SPAG16: variants seen among roughly 807,000 people sequenced by gnomAD.
SPAG16 encodes the protein sperm-associated antigen 16 protein.
Under a neutral mutation model 80.4 loss-of-function variants are expected in SPAG16, and 86 were observed. That is an observed-to-expected ratio of 1.07 (90% CI 0.90 to 1.28). The LOEUF is 1.28. Ranked by LOEUF, SPAG16 falls within the 50% of genes most tolerant of loss-of-function variation. The pLI is 0.00. For synonymous variants in SPAG16, 294 were observed against 265.9 expected (o/e 1.11, Z -1.03); for missense variants, 870 against 765.3 (o/e 1.14, Z -1.61).
intron 10 of SPAG16, among the ~76,000 whole-genome samples, chr2:213,686,674 C>CTTTTTTTTTT (rs748200040): frequency 3.5e-5 from 3 of 86,104 alleles, no homozygotes; most frequent in African/African-American, 8.0e-5. Flanking sequence ...ATTAATCCAC[C>CTTTTTTTTTT]TTTTTTTTTT....
chr2:213,806,335 T>C (rs1447006764), intron 10 of SPAG16, among the ~76,000 whole-genome samples: 1 of 152,212 alleles, frequency 6.6e-6, no homozygotes, highest in Non-Finnish European at 1.5e-5. Context: ...GAAGTAGCCA[T>C]TACTTAGGTA....
chr2:213,594,622 C>A (rs1444191676), intron 10 of SPAG16, among the ~76,000 whole-genome samples: 1 of 152,142 alleles, frequency 6.6e-6, no homozygotes, highest in East Asian at 1.9e-4. Context: ...TTGGGTTTCA[C>A]TAAGTGATTA....
chr2:214,375,482 C>A (rs1350110452), intron 15 of SPAG16, among the ~76,000 whole-genome samples: 1 of 152,142 alleles, frequency 6.6e-6, no homozygotes, highest in Non-Finnish European at 1.5e-5. Flanking sequence ...AGCGAATAGT[C>A]TCTCAACCAG....
chr2:213,754,720 G>A (rs1016289609), intron 10 of SPAG16, among the ~76,000 whole-genome samples: 3 of 152,340 alleles, frequency 2.0e-5, no homozygotes, highest in African/African-American at 4.8e-5. Flanking sequence ...CCAATGACTA[G>A]TTTCTTCTCA....
intron 11 of SPAG16, among the ~76,000 whole-genome samples, chr2:213,895,010 A>C (rs865917877): frequency 2.5e-4 from 38 of 150,280 alleles, no homozygotes; most frequent in African/African-American, 8.5e-4. Flanking sequence ...AAAAAAAAAA[A>C]AAAAAAAAAC....
At chr2:214,113,906 C>T (rs2125427604) in intron 14 of SPAG16, among the ~76,000 whole-genome samples, 1 of 152,288 alleles carries the variant, frequency 6.6e-6, no homozygotes, top group East Asian at 1.9e-4. Context: ...AAGAGGTGCT[C>T]TGGTTTATAG....
At chr2:213,360,377 G>A (rs1453428114) in intron 7 of SPAG16, among the ~76,000 whole-genome samples, 1 of 152,176 alleles carries the variant, frequency 6.6e-6, no homozygotes, top group Non-Finnish European at 1.5e-5. Context: ...ATTGCAAAAG[G>A]TGGAAGACAC....
At chr2:213,469,290 C>A (rs955844245) in intron 9 of SPAG16, among the ~76,000 whole-genome samples, 9 of 152,142 alleles carry the variant, frequency 5.9e-5, no homozygotes, top group South Asian at 2.1e-4. Flanking sequence ...AATCCCCAAC[C>A]CAAATACTAT....
At chr2:213,317,569 G>A (rs916821672) in intron 5 of SPAG16, 101 of 1,217,240 alleles carry the variant, frequency 8.3e-5, no homozygotes, top group Non-Finnish European at 8.8e-5. Context: ...GGGAATGCAG[G>A]TAGTTGTTTA....
intron 11 of SPAG16, among the ~76,000 whole-genome samples, chr2:213,882,922 G>A (rs1446602266): frequency 6.6e-6 from 1 of 151,964 alleles, no homozygotes; most frequent in Non-Finnish European, 1.5e-5. Flanking sequence ...TCCCAGGCTG[G>A]AGTGCAGTGG....
intron 11 of SPAG16, among the ~76,000 whole-genome samples, chr2:213,920,802 G>T (rs1186938952): frequency 6.6e-6 from 1 of 152,198 alleles, no homozygotes; most frequent in Non-Finnish European, 1.5e-5. Flanking sequence ...TACAGGGATG[G>T]ACATCTCTTG....
At chr2:214,372,781 A>C (rs1197698152) in intron 15 of SPAG16, among the ~76,000 whole-genome samples, 1 of 152,212 alleles carries the variant, frequency 6.6e-6, no homozygotes, top group Non-Finnish European at 1.5e-5. Context: ...TTTTGCCAAC[A>C]TGTAGTAGAA....
intron 13 of SPAG16, among the ~76,000 whole-genome samples, chr2:214,094,284 T>C (rs2052432985): frequency 1.3e-5 from 2 of 152,134 alleles, no homozygotes; most frequent in African/African-American, 4.8e-5. Flanking sequence ...TGAATTGGAA[T>C]CTGCATTTTA....
chr2:213,853,767 G>A (rs1259338713), intron 10 of SPAG16, among the ~76,000 whole-genome samples: 1 of 152,166 alleles, frequency 6.6e-6, no homozygotes. Context: ...CTTAGGGCAG[G>A]TGCCAGGAAG....
At chr2:214,318,023 A>G (rs547005769) in intron 15 of SPAG16, among the ~76,000 whole-genome samples, 2 of 152,230 alleles carry the variant, frequency 1.3e-5, no homozygotes, top group Non-Finnish European at 2.9e-5. Context: ...ATTGATTCAT[A>G]TAATTGTGCT....
chr2:213,973,206 G>C (rs761067211), intron 12 of SPAG16, among the ~76,000 whole-genome samples: 2 of 152,048 alleles, frequency 1.3e-5, no homozygotes, highest in Non-Finnish European at 2.9e-5. Context: ...AAATTCCCCA[G>C]TATATACAGG....
At chr2:213,943,197 G>A (rs1446700409) in intron 12 of SPAG16, among the ~76,000 whole-genome samples, 1 of 152,150 alleles carries the variant, frequency 6.6e-6, no homozygotes, top group Non-Finnish European at 1.5e-5. Flanking sequence ...ATAGAAATTG[G>A]TACTTAGAAG....
chr2:213,800,550 A>C (rs1035021749), intron 10 of SPAG16, among the ~76,000 whole-genome samples: 1 of 152,032 alleles, frequency 6.6e-6, no homozygotes, highest in Non-Finnish European at 1.5e-5. Context: ...TTTTTTAAAA[A>C]TTTTTATATG....
chr2:214,318,219 G>A (rs1234819801), intron 15 of SPAG16, among the ~76,000 whole-genome samples: 2 of 152,042 alleles, frequency 1.3e-5, no homozygotes, highest in East Asian at 1.9e-4. Flanking sequence ...ACTGATATGC[G>A]ATACTTGGAA....
Sources: gnomAD v4.1 joint callset for allele counts (sites outside exome capture counted in the v4.1 genomes callset) on GRCh38, gnomAD v4.1.1 for gene constraint, MANE v1.5 for transcripts, NCBI Gene and HGNC (gene_info 2026-07-23, HGNC 2026-07-21) for gene names.